TTC12: variants seen among roughly 807,000 people sequenced by gnomAD.
The protein encoded by TTC12 is tetratricopeptide repeat domain 12, also known as tetratricopeptide repeat protein 12.
A neutral mutation model predicts 90.1 loss-of-function variants in TTC12; 70 were observed. The ratio of observed to expected loss-of-function variants is 0.78; its 90% CI spans 0.64 to 0.95. TTC12 has a LOEUF of 0.95. Among genes scored for constraint, TTC12 ranks in the 40% least tolerant of loss-of-function variants. The probability of loss-of-function intolerance (pLI) is 0.00; values close to 1 mark genes in which losing one functional copy is unlikely to be tolerated. For synonymous variants in TTC12, 296 were observed against 311.5 expected, an observed-to-expected ratio of 0.95 and a Z score of 0.53; for missense variants, 819 against 846.1, an observed-to-expected ratio of 0.97 and a Z score of 0.40.
chr11:113,321,379 A>G (rs1229733048), intron 2 of TTC12, among the ~76,000 whole-genome samples: 1 of 152,174 alleles, frequency 6.6e-6, no homozygotes, highest in Admixed American at 6.5e-5. Flanking sequence ...TCAATTCAGC[A>G]TTTATTTACT....
chr11:113,360,624 A>G (rs529639331), intron 18 of TTC12, among the ~76,000 whole-genome samples: 1 of 152,234 alleles, frequency 6.6e-6, no homozygotes, highest in African/African-American at 2.4e-5. Context: ...CCATCACCCT[A>G]GAACGTATTC....
intron 11 of TTC12, 118 bp downstream of exon 11, chr11:113,340,851 A>T: frequency 1.2e-6 from 1 of 824,980 alleles, no homozygotes; most frequent in Non-Finnish European, 2.0e-6. Context: ...CCCTTCAGTC[A>T]GTAGTGGGGG....
chr11:113,370,578 C>G (rs1009811543), downstream of TTC12, among the ~76,000 whole-genome samples: 1 of 152,236 alleles, frequency 6.6e-6, no homozygotes, highest in Admixed American at 6.5e-5. Context: ...AGGAGTTCTC[C>G]CTGGAGACAT....
chr11:113,368,515 T>C, downstream of TTC12: 1 of 1,547,814 alleles, frequency 6.5e-7, no homozygotes, highest in Non-Finnish European at 8.7e-7. Flanking sequence ...TTTTCCATCC[T>C]AAAGAGGATG....
At position 113,345,204 on chromosome 11, in the gene TTC12, G is replaced by A. The variant is rs1948881270; in HGVS notation, c.1154+764G>A. On this transcript the variant is annotated intron_variant, in intron 13 of 21. Transcript: ENST00000529221. ...GTGGTTCAATCTAACAGAAATAGTG[G>A]CAATTATTGTAGCTTGCTTTATAAA... Among the ~76,000 whole-genome samples, 8 of 152,270 alleles carry A rather than the reference G, an allele frequency of 5.3e-5. 1 individual carries two copies. The highest frequency in any genetic ancestry group is 3.4e-3 in the Middle Eastern group (1 of 294).
At chr11:113,319,113 A>T (rs2137908451) in intron 2 of TTC12, among the ~76,000 whole-genome samples, 1 of 152,344 alleles carries the variant, frequency 6.6e-6, no homozygotes, top group East Asian at 1.9e-4. Flanking sequence ...GATCAAGGTT[A>T]ACCTCCTGAT....
intron 9 of TTC12, 87 bp from the exon 10 acceptor site, chr11:113,339,199 C>T (rs113911412): frequency 6.8e-6 from 8 of 1,182,756 alleles, no homozygotes; most frequent in African/African-American, 6.2e-5. Context: ...CTCCCATCCT[C>T]AAAAGAAAGG....
chr11:113,371,199 C>T (rs1436151234), downstream of TTC12, among the ~76,000 whole-genome samples: 1 of 152,126 alleles, frequency 6.6e-6, no homozygotes, highest in Non-Finnish European at 1.5e-5. Context: ...GGGATTGATA[C>T]CACAGATACC....
chr11:113,329,694 T>C (rs781874796), intron 6 of TTC12: 4 of 608,596 alleles, frequency 6.6e-6, no homozygotes, highest in Non-Finnish European at 1.2e-5. Context: ...TAGCATCCCT[T>C]GTCAGGTTCC....
At chr11:113,325,829 C>T (rs577142945) in intron 6 of TTC12, 184 bp downstream of exon 6, 2 of 690,090 alleles carry the variant, frequency 2.9e-6, no homozygotes, top group African/African-American at 1.8e-5. Flanking sequence ...CAAATATTCT[C>T]ACCATGATCT....
intron 7 of TTC12, among the ~76,000 whole-genome samples, chr11:113,331,251 T>C (rs1591542362): frequency 1.3e-5 from 2 of 152,182 alleles, no homozygotes; most frequent in African/African-American, 4.8e-5. Context: ...CACAGCTCCA[T>C]CATAGATCCA....
rs558924285 is a variant in TTC12 at position 113,328,177 on chromosome 11, G to A, written c.445-1743G>A. On this transcript the variant is annotated intron_variant, in intron 6 of 21. Transcript: ENST00000529221. ...CCCTGGAAAAGCCACCACTCCTGGTGCTTGGCTATCCTTTCGTACAAATGG... is the reference window on the plus strand; with the variant it reads ...CCCTGGAAAAGCCACCACTCCTGGTACTTGGCTATCCTTTCGTACAAATGG... 1.3e-4 allele frequency among the ~76,000 whole-genome samples: 20 copies of A among 152,330 alleles called. No homozygotes were observed. In the South Asian group the frequency reaches 3.7e-3, roughly 28 times the overall value.
intron 6 of TTC12, among the ~76,000 whole-genome samples, chr11:113,327,549 T>C (rs1050492000): frequency 5.3e-5 from 8 of 152,158 alleles, no homozygotes; most frequent in Non-Finnish European, 1.5e-5. Flanking sequence ...GTTTAATTGC[T>C]GTTTGGAAAA....
At chr11:113,342,060 C>A in intron 12 of TTC12, 135 bp downstream of exon 12, 1 of 735,960 alleles carries the variant, frequency 1.4e-6, no homozygotes, top group Non-Finnish European at 2.4e-6. Context: ...CCACTCCCTC[C>A]AGGAAAGCTT....
intron 7 of TTC12, among the ~76,000 whole-genome samples, chr11:113,330,396 T>TAGA (rs1947980929): frequency 6.6e-6 from 1 of 152,164 alleles, no homozygotes; most frequent in Non-Finnish European, 1.5e-5. Flanking sequence ...CATCCTCTAT[T>TAGA]TGTAGAGGAA....
intron 13 of TTC12, among the ~76,000 whole-genome samples, chr11:113,346,671 T>G (rs960126397): frequency 6.6e-6 from 1 of 151,746 alleles, no homozygotes; most frequent in Non-Finnish European, 1.5e-5. Context: ...TGGTCCCAAC[T>G]TCTTCTGTAG....
intron 21 of TTC12, chr11:113,365,676 T>A (rs1355013596): frequency 5.8e-6 from 1 of 171,680 alleles, no homozygotes; most frequent in Non-Finnish European, 1.3e-5. Context: ...TGCAGACGCA[T>A]CTCATTGCAC....
chr11:113,339,400 C>A lies in TTC12; in HGVS notation c.752C>A (p.Thr251Asn), dbSNP rs1948559144. 3 of 1,613,924 alleles carry A rather than the reference C, an allele frequency of 1.9e-6. No homozygotes were observed. In the African/African-American group the frequency reaches 4.0e-5, roughly 22 times the overall value. ...GTGACCACCAAGAACCTCCTGGAGA[C>A]CCTTTCCAAGCCTGACCAGATCCCC... ...TAVTTKNLLE[T>N]LSKPDQIPLF... The change falls in exon 10 of 22, where the codon ACC (threonine) becomes AAC (asparagine). Residue 251 changes from threonine (T) to asparagine (N), a missense_variant. Thr to Asn is a moderately conservative substitution (Grantham distance 65). Coordinates refer to ENST00000529221, the MANE Select transcript of TTC12 (RefSeq NM_017868.4).
intron 5 of TTC12, 24 bp downstream of exon 5, chr11:113,324,706 A>G (rs781819533): frequency 6.3e-7 from 1 of 1,599,442 alleles, no homozygotes; most frequent in East Asian, 2.2e-5. Flanking sequence ...CTTACTTTTC[A>G]ATGGCTGGGA....
Sources: allele counts gnomAD v4.1 joint callset (sites outside exome capture counted in the v4.1 genomes callset), GRCh38; gene constraint gnomAD v4.1.1; transcripts MANE v1.5; gene names NCBI Gene and HGNC (gene_info 2026-07-23, HGNC 2026-07-21).